QTMAN: variants seen among roughly 807,000 people sequenced by gnomAD.
QTMAN encodes queuosine-tRNA mannosyltransferase, also known as tRNA-queuosine alpha-mannosyltransferase.
chr2:144,015,960 G>A, the QTMAN span, among the ~76,000 whole-genome samples: 31 of 152,248 alleles, frequency 2.0e-4, no homozygotes, highest in African/African-American at 7.5e-4. Flanking sequence ...ACATGTGTCG[G>A]GCGTGACGTG....
the QTMAN span, among the ~76,000 whole-genome samples, chr2:144,240,956 C>T: frequency 1.3e-5 from 2 of 152,174 alleles, no homozygotes; most frequent in Non-Finnish European, 2.9e-5. Flanking sequence ...ACGTTAGAAT[C>T]CCCTGGATAG....
chr2:144,313,448 T>C, the QTMAN span, among the ~76,000 whole-genome samples: 132 of 152,346 alleles, frequency 8.7e-4, 1 homozygote, highest in Middle Eastern at 0.014. Flanking sequence ...AGACCTCTCA[T>C]TTTAAGCAAC....
chr2:144,048,708 G>C, the QTMAN span, among the ~76,000 whole-genome samples: 1 of 152,026 alleles, frequency 6.6e-6, no homozygotes, highest in East Asian at 1.9e-4. Flanking sequence ...GTACAAAGGA[G>C]TGCCACGGCC....
At chr2:144,022,626 C>T in the QTMAN span, among the ~76,000 whole-genome samples, 6 of 142,424 alleles carry the variant, frequency 4.2e-5, no homozygotes, top group African/African-American at 1.1e-4. Flanking sequence ...TGCAGTGGCA[C>T]GATCTCGGCT....
At chr2:144,089,744 T>C in the QTMAN span, among the ~76,000 whole-genome samples, 265 of 151,884 alleles carry the variant, frequency 1.7e-3, no homozygotes, top group Non-Finnish European at 2.5e-4. Flanking sequence ...AGGTGGACAG[T>C]TGAAAGATAA....
chr2:143,957,022 T>C, the QTMAN span, among the ~76,000 whole-genome samples: 2 of 152,214 alleles, frequency 1.3e-5, no homozygotes, highest in Non-Finnish European at 2.9e-5. Context: ...AAACAAGTTC[T>C]TTGGATTACC....
the QTMAN span, among the ~76,000 whole-genome samples, chr2:144,033,353 A>G: frequency 6.6e-6 from 1 of 152,240 alleles, no homozygotes; most frequent in Non-Finnish European, 1.5e-5. Flanking sequence ...AACAGCTCAC[A>G]GAACTCAGGA....
At chr2:144,250,896 TAAA>T in the QTMAN span, among the ~76,000 whole-genome samples, 2 of 151,782 alleles carry the variant, frequency 1.3e-5, no homozygotes, top group Admixed American at 1.3e-4. Flanking sequence ...TCTTTCTTAG[TAAA>T]AAAAAGCAGC....
At chr2:144,068,545 C>T in the QTMAN span, among the ~76,000 whole-genome samples, 4 of 152,060 alleles carry the variant, frequency 2.6e-5, no homozygotes, top group African/African-American at 9.7e-5. Context: ...ATCTGTAGTC[C>T]AATTAATATG....
At chr2:144,162,289 A>T in the QTMAN span, among the ~76,000 whole-genome samples, 1 of 152,164 alleles carries the variant, frequency 6.6e-6, no homozygotes, top group East Asian at 1.9e-4. Context: ...CACCTACAAC[A>T]CCTGTCATCA....
At chr2:144,221,992 A>G in the QTMAN span, among the ~76,000 whole-genome samples, 1 of 152,346 alleles carries the variant, frequency 6.6e-6, no homozygotes, top group Admixed American at 6.5e-5. Context: ...TATGTTAGAA[A>G]CTAAAATAAT....
the QTMAN span, among the ~76,000 whole-genome samples, chr2:144,049,503 G>C: frequency 6.6e-6 from 1 of 151,880 alleles, no homozygotes; most frequent in East Asian, 1.9e-4. Context: ...GTAAATAATT[G>C]GTAAAAATAA....
the QTMAN span, chr2:144,006,727 T>A: frequency 6.5e-6 from 1 of 154,646 alleles, no homozygotes; most frequent in Non-Finnish European, 1.4e-5. Context: ...CTGATATACA[T>A]CTTATGACAA....
At chr2:144,110,682 C>T in the QTMAN span, among the ~76,000 whole-genome samples, 4 of 139,130 alleles carry the variant, frequency 2.9e-5, no homozygotes, top group Non-Finnish European at 6.1e-5. Context: ...AAAATCGACC[C>T]CCCCCCAAAA....
chr2:143,991,118 T>C, the QTMAN span, among the ~76,000 whole-genome samples: 3 of 152,158 alleles, frequency 2.0e-5, no homozygotes, highest in South Asian at 6.2e-4. Context: ...CTTAAAAATA[T>C]GATAATAAGA....
the QTMAN span, among the ~76,000 whole-genome samples, chr2:144,031,075 A>G: frequency 6.6e-6 from 1 of 152,214 alleles, no homozygotes; most frequent in African/African-American, 2.4e-5. Context: ...GGATCTTACT[A>G]TAGTTGCACA....
the QTMAN span, among the ~76,000 whole-genome samples, chr2:144,140,871 C>T: frequency 6.6e-6 from 1 of 151,946 alleles, no homozygotes; most frequent in Non-Finnish European, 1.5e-5. Context: ...TTTTATGATT[C>T]ACTAACTTGA....
At chr2:144,109,117 A>T in the QTMAN span, among the ~76,000 whole-genome samples, 1 of 152,232 alleles carries the variant, frequency 6.6e-6, no homozygotes, top group African/African-American at 2.4e-5. Flanking sequence ...ACAAATCTGG[A>T]GGCATCATGC....
chr2:144,064,814 C>T, the QTMAN span, among the ~76,000 whole-genome samples: 4 of 152,130 alleles, frequency 2.6e-5, no homozygotes, highest in African/African-American at 9.7e-5. Flanking sequence ...TATGTTACCC[C>T]AAGGAAAATG....
Sources: allele counts gnomAD v4.1 joint callset (sites outside exome capture counted in the v4.1 genomes callset), GRCh38; gene constraint gnomAD v4.1.1; transcripts MANE v1.5; gene names NCBI Gene and HGNC (gene_info 2026-07-23, HGNC 2026-07-21).